The following SMURF1 variants were observed in gnomAD, a reference collection of about 807,000 sequenced individuals.
The protein encoded by SMURF1 is E3 ubiquitin-protein ligase SMURF1.
SMURF1 carries 44 observed loss-of-function variants against 98.0 expected under a neutral mutation model. The ratio of observed to expected loss-of-function variants is 0.45; its 90% CI spans 0.35 to 0.58. The LOEUF (loss-of-function observed/expected upper bound fraction) is 0.58, where lower values mean the gene tolerates loss of function less well. SMURF1 is among the 20% of genes least tolerant of loss of function. SMURF1 has a pLI of 0.00. For missense variants in SMURF1, 687 were observed against 938.4 expected (o/e 0.73, Z 3.50); for synonymous variants, 396 against 374.9 (o/e 1.06, Z -0.65).
At chr7:99,038,840 A>G (rs557255292) in intron 13 of SMURF1, among the ~76,000 whole-genome samples, 7 of 152,292 alleles carry the variant, frequency 4.6e-5, no homozygotes, top group Admixed American at 2.0e-4. Context: ...AAAAGGCAGG[A>G]ACGTGAAGAG....
chr7:99,057,892 C>A (rs1009702839), intron 3 of SMURF1, among the ~76,000 whole-genome samples: 3 of 151,996 alleles, frequency 2.0e-5, no homozygotes, highest in African/African-American at 7.2e-5. Flanking sequence ...CTACTATGCC[C>A]AGCTTTTAAT....
chr7:99,031,186 T>C (rs996766024), intron 17 of SMURF1, among the ~76,000 whole-genome samples: 4 of 152,164 alleles, frequency 2.6e-5, no homozygotes, highest in African/African-American at 7.2e-5. Flanking sequence ...CCACTAACGA[T>C]GTACTGCGTG....
chr7:99,073,537 G>A (rs2150559388), intron 1 of SMURF1, among the ~76,000 whole-genome samples: 1 of 151,400 alleles, frequency 6.6e-6, no homozygotes, highest in South Asian at 2.1e-4. Flanking sequence ...GGCCAAGGCA[G>A]GTGGATCACA....
intron 1 of SMURF1, among the ~76,000 whole-genome samples, chr7:99,105,309 A>G (rs1797171922): frequency 1.3e-5 from 2 of 152,244 alleles, no homozygotes; most frequent in Admixed American, 1.3e-4. Flanking sequence ...TTGAGATGCT[A>G]TACTTTCACT....
At chr7:99,139,991 G>A (rs1798079270) in intron 1 of SMURF1, among the ~76,000 whole-genome samples, 1 of 152,080 alleles carries the variant, frequency 6.6e-6, no homozygotes, top group Non-Finnish European at 1.5e-5. Flanking sequence ...TGAATATCAG[G>A]ATTAAGAATA....
At chr7:99,031,625 G>A (rs1032050308) in intron 17 of SMURF1, among the ~76,000 whole-genome samples, 5 of 152,186 alleles carry the variant, frequency 3.3e-5, no homozygotes, top group African/African-American at 1.2e-4. Flanking sequence ...AGCCAACATG[G>A]TGCGTTCCCG....
intron 1 of SMURF1, among the ~76,000 whole-genome samples, chr7:99,099,072 A>T (rs558088601): frequency 5.4e-4 from 82 of 152,352 alleles, no homozygotes; most frequent in African/African-American, 1.8e-3. Flanking sequence ...GGCAGAATGC[A>T]TTCAGGGAAA....
At chr7:99,142,711 A>AG (rs1379436697) in intron 1 of SMURF1, among the ~76,000 whole-genome samples, 1 of 73,124 alleles carries the variant, frequency 1.4e-5, no homozygotes, top group East Asian at 3.9e-4. Context: ...GGGAGAAGCA[A>AG]GGGGGCAAGT....
At chr7:99,048,552 A>G (rs1216387039) in intron 9 of SMURF1, 2 of 152,418 alleles carry the variant, frequency 1.3e-5, no homozygotes, top group Non-Finnish European at 2.9e-5. Context: ...TGAAATGGAG[A>G]TGATGGGAAA....
chr7:99,038,754 G>A (rs183138595), intron 13 of SMURF1, among the ~76,000 whole-genome samples: 4 of 152,222 alleles, frequency 2.6e-5, no homozygotes, highest in Admixed American at 6.5e-5. Context: ...CATAGAAGGC[G>A]GGCAGCAGGT....
intron 1 of SMURF1, among the ~76,000 whole-genome samples, chr7:99,082,114 C>T (rs1261272105): frequency 6.6e-6 from 1 of 152,152 alleles, no homozygotes; most frequent in African/African-American, 2.4e-5. Context: ...GATCCTTTAC[C>T]CATGTATTAA....
rs1796086822 is a variant in SMURF1, at chr7:99,063,244, TATATATATATATATATA to T, written c.56-1424_56-1408del. Reference sequence around the variant, plus strand: ...TATATATATATATAAGATTTATTTATATATATATATATATATATATATATATATATATATATATATAT... The same window carrying T: ...TATATATATATATAAGATTTATTTATTATATATATATATATATATATATAT... On this transcript the variant is annotated intron_variant, in intron 1 of 17. Transcript: ENST00000361368. Among the ~76,000 whole-genome samples, 142 of 14,502 alleles carry T rather than the reference TATATATATATATATATA, an allele frequency of 9.8e-3. 7 individuals are homozygous for T. Among genetic ancestry groups the T allele is most frequent in the South Asian group, 0.022 (14 of 630 alleles). The allele number at this position is 14,502 out of a possible 152,430, so 9.5% of individuals were successfully genotyped here. A position where few individuals can be genotyped will look rare whatever the true frequency, so the allele number is the denominator to read the frequency against.
intron 1 of SMURF1, among the ~76,000 whole-genome samples, chr7:99,140,009 G>A (rs1344889338): frequency 6.6e-6 from 1 of 152,112 alleles, no homozygotes; most frequent in Non-Finnish European, 1.5e-5. Context: ...ATACCACTAA[G>A]CCCAAGTGCC....
chr7:99,031,442 T>G (rs1479460967), intron 17 of SMURF1: 1 of 152,226 alleles, frequency 6.6e-6, no homozygotes, highest in Non-Finnish European at 1.5e-5. Flanking sequence ...CCAGAGGATG[T>G]ACAGTGACTT....
rs374876241 is a variant in SMURF1 at position 99,103,244 on chromosome 7, T to C, written c.55+40482A>G. On this transcript the variant is annotated intron_variant, in intron 1 of 17. Transcript: ENST00000361368. ...CTTCTAATCTCTAAACACCTATGTA[T>C]ACACCACTCCCAGCACTGTATACAT... Among the ~76,000 whole-genome samples, 7 of 152,180 alleles carry C rather than the reference T, an allele frequency of 4.6e-5. No homozygotes were observed. The South Asian group carries it at 1.2e-3, about 27-fold the overall frequency.
At chr7:99,104,987 C>A (rs1208559156) in intron 1 of SMURF1, among the ~76,000 whole-genome samples, 2 of 152,170 alleles carry the variant, frequency 1.3e-5, no homozygotes, top group East Asian at 3.9e-4. Context: ...TTTCTTAAGC[C>A]TAAATGAGCC....
intron 3 of SMURF1, among the ~76,000 whole-genome samples, chr7:99,059,412 TAAAATAAAATAAAATAAAATA>T (rs1795973169): frequency 3.8e-5 from 1 of 26,446 alleles, no homozygotes; most frequent in South Asian, 1.6e-3. Context: ...AAAAATAAAA[TAAAATAAAATAAAATAAAATA>T]AAATAAAATA....
intron 1 of SMURF1, among the ~76,000 whole-genome samples, chr7:99,135,344 CCTCT>C (rs1028737579): frequency 6.6e-6 from 1 of 151,886 alleles, no homozygotes; most frequent in Non-Finnish European, 1.5e-5. Context: ...CTCCTCTCTC[CCTCT>C]CTCCTCTCTC....
chr7:99,074,188 C>T (rs1388790772), intron 1 of SMURF1, among the ~76,000 whole-genome samples: 1 of 152,122 alleles, frequency 6.6e-6, no homozygotes, highest in Non-Finnish European at 1.5e-5. Flanking sequence ...TATCCTTTAG[C>T]AGGATAAGGT....
Sources: gnomAD v4.1 joint callset for allele counts (sites outside exome capture counted in the v4.1 genomes callset) on GRCh38, gnomAD v4.1.1 for gene constraint, MANE v1.5 for transcripts, NCBI Gene and HGNC (gene_info 2026-07-23, HGNC 2026-07-21) for gene names.